Variants in HAPLN1 observed in about 807,000 individuals in gnomAD.
HAPLN1 encodes the protein Cartilage link protein.
In HAPLN1, 13 loss-of-function variants were observed where a neutral mutation model predicts 36.5. The ratio of observed to expected loss-of-function variants is 0.36; its 90% CI spans 0.23 to 0.57. The LOEUF is 0.57. HAPLN1 is among the 20% of genes least tolerant of loss of function. The pLI is 0.83. For synonymous variants in HAPLN1, 202 were observed against 169.8 expected (o/e 1.19, Z -1.48); for missense variants, 407 against 439.7 (o/e 0.93, Z 0.66).
chr5:83,695,334 C>T (rs1212264405), intron 1 of HAPLN1, among the ~76,000 whole-genome samples: 1 of 151,870 alleles, frequency 6.6e-6, no homozygotes, highest in African/African-American at 2.4e-5. Flanking sequence ...CCATGTTGGC[C>T]AGGCTGGTCT....
At chr5:83,709,001 G>T (rs188647503) in intron 1 of HAPLN1, among the ~76,000 whole-genome samples, 61 of 152,018 alleles carry the variant, frequency 4.0e-4, no homozygotes, top group African/African-American at 1.4e-3. Context: ...TCAGTCTCCC[G>T]AGTAGCTGGG....
At chr5:83,645,193 T>C (rs988292107) in intron 3 of HAPLN1, among the ~76,000 whole-genome samples, 2 of 152,242 alleles carry the variant, frequency 1.3e-5, no homozygotes, top group Non-Finnish European at 2.9e-5. Context: ...ATATAATTAG[T>C]AATTAGTTTT....
intron 1 of HAPLN1, among the ~76,000 whole-genome samples, chr5:83,675,797 T>C (rs1312474926): frequency 2.0e-5 from 3 of 152,226 alleles, no homozygotes; most frequent in African/African-American, 7.2e-5. Context: ...TTGTCTGCAA[T>C]GGCTCATGGA....
chr5:83,668,382 T>C (rs1041045010), intron 2 of HAPLN1, among the ~76,000 whole-genome samples: 4 of 152,210 alleles, frequency 2.6e-5, no homozygotes, highest in Non-Finnish European at 4.4e-5. Context: ...GTTAACTAGA[T>C]AAACGGACTT....
chr5:83,653,091 G>A (rs1025527052), intron 2 of HAPLN1, among the ~76,000 whole-genome samples: 6 of 152,124 alleles, frequency 3.9e-5, no homozygotes, highest in Non-Finnish European at 7.3e-5. Context: ...ATAGTCATCT[G>A]AAGGTCAATG....
At chr5:83,678,690 A>G (rs1015175832) in intron 1 of HAPLN1, among the ~76,000 whole-genome samples, 2 of 152,186 alleles carry the variant, frequency 1.3e-5, no homozygotes, top group East Asian at 3.9e-4. Flanking sequence ...GTAGAAATGC[A>G]TTAGAAAACA....
At chr5:83,650,127 C>T (rs112311671) in intron 3 of HAPLN1, among the ~76,000 whole-genome samples, 1 of 152,148 alleles carries the variant, frequency 6.6e-6, no homozygotes, top group Middle Eastern at 3.4e-3. Flanking sequence ...TTTTTTAAAG[C>T]CTCTCCTCTA....
intron 1 of HAPLN1, among the ~76,000 whole-genome samples, chr5:83,689,070 C>T (rs2112617727): frequency 6.6e-6 from 1 of 152,244 alleles, no homozygotes; most frequent in East Asian, 1.9e-4. Context: ...TTTGCAAAGC[C>T]TACAATAGGT....
intron 2 of HAPLN1, among the ~76,000 whole-genome samples, chr5:83,659,382 T>C (rs1426607701): frequency 6.6e-6 from 1 of 152,184 alleles, no homozygotes; most frequent in Non-Finnish European, 1.5e-5. Context: ...TTACCATTTA[T>C]GAGAATTCAA....
At chr5:83,652,918 G>T in intron 2 of HAPLN1, 94 bp from the exon 3 acceptor site, 1 of 1,212,996 alleles carries the variant, frequency 8.2e-7, no homozygotes, top group South Asian at 1.7e-5. Flanking sequence ...TAGGATATCT[G>T]ACAAAGGATA....
At chr5:83,685,462 T>TCA (rs964825959) in intron 1 of HAPLN1, among the ~76,000 whole-genome samples, 70 of 151,552 alleles carry the variant, frequency 4.6e-4, no homozygotes, top group Middle Eastern at 3.4e-3. Context: ...ATATTAGACA[T>TCA]CACACACACA....
At chr5:83,644,695 A>T in intron 3 of HAPLN1, 30 bp from the exon 4 acceptor site, 2 of 1,388,646 alleles carry the variant, frequency 1.4e-6, no homozygotes, top group Non-Finnish European at 1.9e-6. Context: ...AGGAGTTGTT[A>T]GAAGCCCCAA....
chr5:83,658,509 G>T (rs1010710050), intron 2 of HAPLN1, among the ~76,000 whole-genome samples: 1 of 152,122 alleles, frequency 6.6e-6, no homozygotes, highest in Non-Finnish European at 1.5e-5. Context: ...GTACATTAAA[G>T]ACACCATATT....
At chr5:83,678,220 G>GGGGTGTGTGTGT (rs1554049526) in intron 1 of HAPLN1, among the ~76,000 whole-genome samples, 103 of 142,640 alleles carry the variant, frequency 7.2e-4, no homozygotes, top group African/African-American at 2.4e-3. Context: ...CTATAGTTTG[G>GGGGTGTGTGTGT]GTGTGTGTGT....
At chr5:83,643,598 CCTTTTTTTTT>C (rs1309015077) in intron 4 of HAPLN1, among the ~76,000 whole-genome samples, 1 of 151,920 alleles carries the variant, frequency 6.6e-6, no homozygotes, top group Non-Finnish European at 1.5e-5. Flanking sequence ...CATTTTCTTT[CCTTTTTTTTT>C]CTTTTTATTT....
rs547034207 is a variant in HAPLN1, at chr5:83,638,621, C to G, written c.*2875G>C. 3.4e-4 allele frequency: 52 copies of G among 152,162 alleles called. No individual in the cohort carries two copies. Among genetic ancestry groups the G allele is most frequent in the African/African-American group, 1.2e-3 (49 of 41,546 alleles). The allele number at this position is 152,162 out of a possible 1,614,324, so 9.4% of individuals were successfully genotyped here. A position where few individuals can be genotyped will look rare whatever the true frequency, so the allele number is the denominator to read the frequency against. ...TGGCTGCCAGCAACCAAATTGTAAT[C>G]TCCTTTGAGTCTACTTCTAATTGCC... is the stretch of plus-strand genomic sequence containing the variant. On this transcript the variant is annotated 3_prime_UTR_variant, in exon 5 of 5. Transcript: ENST00000274341.
chr5:83,664,317 T>C (rs918884040), intron 2 of HAPLN1, among the ~76,000 whole-genome samples: 1 of 149,890 alleles, frequency 6.7e-6, no homozygotes, highest in African/African-American at 2.5e-5. Context: ...TCGTCCTCAA[T>C]GGCAAACGAA....
rs1400530216 is a variant in HAPLN1 at position 83,637,960 on chromosome 5, A to C, written c.*3536T>G. 6.6e-6 allele frequency: 1 copy of C among 151,916 alleles called. No homozygotes were observed. Among genetic ancestry groups the C allele is most frequent in the Non-Finnish European group, 1.5e-5 (1 of 67,888 alleles). The allele number at this position is 151,916 out of a possible 1,614,324, so 9.4% of individuals were successfully genotyped here. A position where few individuals can be genotyped will look rare whatever the true frequency, so the allele number is the denominator to read the frequency against. On this transcript the variant is annotated 3_prime_UTR_variant, in exon 5 of 5. Transcript: ENST00000274341. ...TTTGAGTCATATACAAAGAGAAAAA[A>C]GTCAATATATTTTGGGATAATACTA...
At chr5:83,719,547 T>C (rs1204075670) in intron 1 of HAPLN1, among the ~76,000 whole-genome samples, 4 of 152,238 alleles carry the variant, frequency 2.6e-5, no homozygotes, top group Admixed American at 6.5e-5. Flanking sequence ...TTGGTATACA[T>C]TATATTTTAC....
Sources: allele counts gnomAD v4.1 joint callset (sites outside exome capture counted in the v4.1 genomes callset), GRCh38; gene constraint gnomAD v4.1.1; transcripts MANE v1.5; gene names NCBI Gene and HGNC (gene_info 2026-07-23, HGNC 2026-07-21).